The following LARP1 variants were observed in gnomAD, a reference collection of about 807,000 sequenced individuals.
LARP1 encodes La ribonucleoprotein 1, translational regulator, also known as la-related protein 1.
In LARP1, 36 loss-of-function variants were observed where a neutral mutation model predicts 122.7. The ratio of observed to expected loss-of-function variants is 0.29; its 90% CI spans 0.22 to 0.39. LARP1 has a LOEUF of 0.39. Among genes scored for constraint, LARP1 ranks in the 10% least tolerant of loss-of-function variants. The pLI, the probability that LARP1 is intolerant of heterozygous loss-of-function variation, is 1.00. For synonymous variants in LARP1, 539 were observed against 528.7 expected, an observed-to-expected ratio of 1.02 and a Z score of -0.27; for missense variants, 1,040 against 1,403.6, an observed-to-expected ratio of 0.74 and a Z score of 4.14.
chr5:154,691,178 C>G (rs1308008124), intron 1 of LARP1, among the ~76,000 whole-genome samples: 2 of 149,186 alleles, frequency 1.3e-5, no homozygotes, highest in African/African-American at 2.5e-5. Flanking sequence ...AGGAGAATGG[C>G]GTGAACCCGG....
intron 1 of LARP1, among the ~76,000 whole-genome samples, chr5:154,776,308 A>T (rs1248104698): frequency 6.6e-6 from 1 of 152,326 alleles, no homozygotes; most frequent in East Asian, 1.9e-4. Context: ...TACAAAACTT[A>T]AACCCCAGCC....
rs927634562 is a variant in LARP1, at chr5:154,717,214, G to A, written c.205+4084G>A. ...ATGCCAACAACCAACTTGAGCTGCTGCTTTTAAACAGGGCTTGTGACATCT... is the reference window on the plus strand; with the variant it reads ...ATGCCAACAACCAACTTGAGCTGCTACTTTTAAACAGGGCTTGTGACATCT... On this transcript the variant is annotated intron_variant, in intron 1 of 18. Coordinates refer to the LARP1 transcript ENST00000336314. Among the ~76,000 whole-genome samples the A allele has an allele frequency of 2.6e-5, 4 of 152,086 alleles. No homozygotes were observed. The East Asian group carries it at 7.7e-4, about 29-fold the overall frequency.
chr5:154,734,558 G>A (rs1756769638), intron 1 of LARP1, among the ~76,000 whole-genome samples: 2 of 152,090 alleles, frequency 1.3e-5, no homozygotes, highest in South Asian at 4.1e-4. Context: ...GACAAAAATA[G>A]TATCACACTG....
At chr5:154,750,876 G>A (rs1021447970), upstream of LARP1, among the ~76,000 whole-genome samples, 9 of 152,202 alleles carry the variant, frequency 5.9e-5, no homozygotes, top group Non-Finnish European at 2.9e-5. Flanking sequence ...GCCTCCCAAA[G>A]TGCCGGGATT....
Position 154,811,660 on chromosome 5 carries a change from T to C in LARP1, c.3081+20T>C. ...GTAGATGTAAGTGAAACTCTTTCTC[T>C]AACTCTGCTTGTCCTGGAAAGAAAA... On this transcript the variant is annotated intron_variant, in intron 18 of 18. Coordinates refer to ENST00000518297, the MANE Select transcript of LARP1 (RefSeq NM_033551.3). 6.2e-7 allele frequency: 1 copy of C among 1,613,914 alleles called. No homozygotes were observed.
upstream of LARP1, among the ~76,000 whole-genome samples, chr5:154,750,596 A>T (rs1171568648): frequency 1.4e-5 from 2 of 147,656 alleles, no homozygotes; most frequent in Non-Finnish European, 3.0e-5. Context: ...GACCCATTTT[A>T]TTAATTTGGT....
chr5:154,811,520 G>A lies in LARP1; in HGVS notation c.2961G>A (p.Leu987=), dbSNP rs151326937. The stretch of plus-strand genomic sequence containing the variant: ...CTGTACCTCTCCCTACAGGCCAACT[G>A]TATGGGCTGGAGAAGTTCTGGGCCT... ...ETVKDYEAGQ[L]YGLEKFWAFL... is the part of the protein sequence containing the mutation. The change falls in exon 18 of 19, where the codon CTG becomes CTA. Residue 987 remains leucine (L), a synonymous_variant. Transcript: ENST00000518297. The A allele has an allele frequency of 6.7e-5, 108 of 1,614,224 alleles. 1 individual carries two copies. The East Asian group carries it at 2.1e-3, about 32-fold the overall frequency.
chr5:154,754,795 G>A (rs1415968294), upstream of LARP1, among the ~76,000 whole-genome samples: 1 of 152,208 alleles, frequency 6.6e-6, no homozygotes, highest in Non-Finnish European at 1.5e-5. Context: ...CACCCGGGCG[G>A]GGACCGAAGG....
chr5:154,777,471 A>G (rs1160269925), intron 1 of LARP1, among the ~76,000 whole-genome samples: 2 of 152,200 alleles, frequency 1.3e-5, no homozygotes, highest in Non-Finnish European at 2.9e-5. Context: ...CAGTGAGCAG[A>G]GATCACGCCA....
intron 1 of LARP1, among the ~76,000 whole-genome samples, chr5:154,698,989 C>T (rs2113237950): frequency 1.3e-5 from 2 of 152,282 alleles, no homozygotes; most frequent in South Asian, 4.1e-4. Flanking sequence ...GAGAGAAATG[C>T]ACAGACTATT....
intron 1 of LARP1, among the ~76,000 whole-genome samples, chr5:154,690,110 C>G (rs536760392): frequency 6.6e-6 from 1 of 152,168 alleles, no homozygotes; most frequent in Admixed American, 6.5e-5. Context: ...TAGCAGCCCT[C>G]GGAAGGCAGG....
intron 1 of LARP1, among the ~76,000 whole-genome samples, chr5:154,771,858 T>C (rs1389240883): frequency 6.6e-6 from 1 of 152,064 alleles, no homozygotes; most frequent in East Asian, 1.9e-4. Flanking sequence ...GTAGGAAAGG[T>C]TGGGGGTGGG....
At chr5:154,689,541 A>G (rs1333146667) in intron 1 of LARP1, among the ~76,000 whole-genome samples, 2 of 151,524 alleles carry the variant, frequency 1.3e-5, no homozygotes, top group African/African-American at 4.9e-5. Flanking sequence ...ACTCACTTGA[A>G]CCCAGGAGGC....
In LARP1 at chr5:154,792,771, C is replaced by T. The variant is rs1437601056; in HGVS notation, c.714C>T (p.Cys238=). ...SGEEKNGDED[C]QRGGQKKKGN... is the part of the protein sequence containing the mutation. ...AGGAAAAGAATGGAGATGAGGATTG[C>T]CAGCGAGGCGGGCAGAAGAAGAAAG... The change falls in exon 4 of 19, where the codon TGC becomes TGT. Residue 238 remains cysteine (C), a synonymous_variant. Coordinates refer to ENST00000518297, the MANE Select transcript of LARP1 (RefSeq NM_033551.3). 1.9e-6 allele frequency: 3 copies of T among 1,613,872 alleles called. No homozygotes were observed. In the African/African-American group the frequency reaches 4.0e-5, roughly 22 times the overall value.
intron 15 of LARP1, among the ~76,000 whole-genome samples, chr5:154,807,322 C>T (rs552479152): frequency 6.6e-6 from 1 of 152,128 alleles, no homozygotes; most frequent in Admixed American, 6.5e-5. Context: ...TTCCTGTAGA[C>T]GTAGTTTCTC....
At chr5:154,800,990 T>C (rs1758301374) in intron 10 of LARP1, among the ~76,000 whole-genome samples, 1 of 152,206 alleles carries the variant, frequency 6.6e-6, no homozygotes, top group Non-Finnish European at 1.5e-5. Context: ...TACAAAGTTT[T>C]GTTTGAAACA....
chr5:154,714,217 T>C (rs1220447198), intron 1 of LARP1, among the ~76,000 whole-genome samples: 1 of 152,192 alleles, frequency 6.6e-6, no homozygotes, highest in Non-Finnish European at 1.5e-5. Flanking sequence ...ATTTTGGGAT[T>C]GATGAGGTAA....
intron 1 of LARP1, among the ~76,000 whole-genome samples, chr5:154,684,499 C>T (rs1379325752): frequency 6.6e-6 from 1 of 152,122 alleles, no homozygotes; most frequent in Admixed American, 6.6e-5. Flanking sequence ...ACCCAAGATC[C>T]TGCATTTCTG....
At chr5:154,732,673 A>G (rs1452031365) in intron 1 of LARP1, among the ~76,000 whole-genome samples, 1 of 151,846 alleles carries the variant, frequency 6.6e-6, no homozygotes. Flanking sequence ...TGGTGGGCAA[A>G]ATATTCATCC....
Sources: gnomAD v4.1 joint callset for allele counts (sites outside exome capture counted in the v4.1 genomes callset) on GRCh38, gnomAD v4.1.1 for gene constraint, MANE v1.5 for transcripts, NCBI Gene and HGNC (gene_info 2026-07-23, HGNC 2026-07-21) for gene names.